The following SCLY variants were observed in gnomAD, a reference collection of about 807,000 sequenced individuals.
The protein encoded by SCLY is putative selenocysteine lyase.
SCLY carries 38 observed loss-of-function variants against 50.1 expected under a neutral mutation model. That is an observed-to-expected ratio of 0.76 (90% CI 0.59 to 0.99). The LOEUF is 0.99. Among genes scored for constraint, SCLY ranks in the 50% least tolerant of loss-of-function variants. The pLI is 0.00. For synonymous variants in SCLY, 243 were observed against 249.4 expected (o/e 0.97, Z 0.24); for missense variants, 600 against 620.0 (o/e 0.97, Z 0.34).
In SCLY at chr2:238,096,782, A is replaced by T; in HGVS notation, c.1109-19A>T. 1 of 1,601,900 alleles carries T rather than the reference A, an allele frequency of 6.2e-7. No homozygotes were observed. The highest frequency in any genetic ancestry group is 1.3e-5 in the African/African-American group (1 of 74,890). On this transcript the variant is annotated intron_variant, in intron 10 of 11. Transcript: ENST00000254663. ...CTGGCTGGAGCCCCATCTCAGGGGC[A>T]TGTGCTCTGTCTCCGCAGGCCACGT...
intron 8 of SCLY, chr2:238,091,552 TTCCCAAAG>T: frequency 3.2e-6 from 1 of 308,684 alleles, no homozygotes; most frequent in Non-Finnish European, 6.1e-6. Flanking sequence ...AGGTTCACCA[TTCCCAAAG>T]GCGTCGGCAG....
chr2:238,063,365 G>A (rs941339925), intron 1 of SCLY, among the ~76,000 whole-genome samples: 13 of 150,780 alleles, frequency 8.6e-5, no homozygotes, highest in Non-Finnish European at 1.6e-4. Context: ...CAATTCTTCT[G>A]CCCCAGCCTC....
intron 6 of SCLY, chr2:238,082,916 CT>C (rs201413681): frequency 0.06 from 18,102 of 303,128 alleles, 72 homozygotes; most frequent in East Asian, 0.074. Flanking sequence ...TATGCATTCT[CT>C]TTCTTTTTTT....
rs1479518715 is a variant in SCLY at position 238,066,186 on chromosome 2, T to C, written c.202+1717T>C. ...CTAGTGAGCATTGCACTGTTGTGCATGTGGAAGTCTCTTTACTGCCTGTTG... is the reference window on the plus strand; with the variant it reads ...CTAGTGAGCATTGCACTGTTGTGCACGTGGAAGTCTCTTTACTGCCTGTTG... On this transcript the variant is annotated intron_variant, in intron 2 of 11. Coordinates refer to ENST00000254663, the MANE Select transcript of SCLY (RefSeq NM_016510.7). This position sits in a 1 kb window ranked among gnomAD's most constrained non-coding sequence, Gnocchi z 4.1. Among the ~76,000 whole-genome samples, 2 of 152,214 alleles carry C rather than the reference T, an allele frequency of 1.3e-5. No individual in the cohort carries two copies. The highest frequency in any genetic ancestry group is 1.9e-4 in the East Asian group (1 of 5,202).
intron 1 of SCLY, 182 bp downstream of exon 1, chr2:238,061,325 T>C (rs2065015207): frequency 1.4e-6 from 1 of 707,732 alleles, no homozygotes; most frequent in Non-Finnish European, 2.6e-6. Context: ...GTGCGAGCTG[T>C]GGCCCCGCAA....
intron 1 of SCLY, among the ~76,000 whole-genome samples, chr2:238,063,237 G>T (rs1162517701): frequency 6.7e-6 from 1 of 149,328 alleles, no homozygotes; most frequent in Non-Finnish European, 1.5e-5. Flanking sequence ...AGTTTTGTGG[G>T]TTTGTTTTTT....
In SCLY at chr2:238,064,424, G is replaced by C. The variant is rs921547601; in HGVS notation, c.157G>C (p.Ala53Pro). Residue 53 changes from alanine to proline, a missense_variant, in exon 2 of 12, where the codon GCC (alanine) becomes CCC (proline). Coordinates refer to ENST00000254663, the MANE Select transcript of SCLY (RefSeq NM_016510.7). ...EPEVIQAMTK[A>P]MWEAWGNPSS... ...AGAAGTTATCCAGGCCATGACCAAGGCCATGTGGGAAGCCTGGGGAAATCC... is the reference window on the plus strand; with the variant it reads ...AGAAGTTATCCAGGCCATGACCAAGCCCATGTGGGAAGCCTGGGGAAATCC... The C allele has an allele frequency of 6.2e-7, 1 of 1,611,236 alleles. No individual in the cohort carries two copies. Among genetic ancestry groups the C allele is most frequent in the Non-Finnish European group, 8.5e-7 (1 of 1,178,996 alleles).
Position 238,098,577 on chromosome 2 carries a change from G to GGGACCGCCCACATAGGACCGCCCACATA in SCLY, c.*236_*263dup. The GGGACCGCCCACATAGGACCGCCCACATA allele has an allele frequency of 3.0e-6, 1 of 335,688 alleles. No individual in the cohort carries two copies. The highest frequency in any genetic ancestry group is 4.7e-6 in the Non-Finnish European group (1 of 212,134). 20.8% of individuals were successfully genotyped at this position (335,688 alleles called of 1,614,324 possible). A position where few individuals can be genotyped will look rare whatever the true frequency, so the allele number is the denominator to read the frequency against. The stretch of plus-strand genomic sequence containing the variant: ...CAACGCCGCATAGGACTGCCCACAT[G>GGGACCGCCCACATAGGACCGCCCACATA]GGACCGCCCACATAGGACCGCCCAC... On this transcript the variant is annotated 3_prime_UTR_variant, in exon 12 of 12. Transcript: ENST00000254663.
In SCLY at chr2:238,090,814, A is replaced by C. The variant is rs149866157; in HGVS notation, c.885-404A>C. On this transcript the variant is annotated intron_variant, in intron 7 of 11. Coordinates refer to ENST00000254663, the MANE Select transcript of SCLY (RefSeq NM_016510.7). The stretch of plus-strand genomic sequence containing the variant: ...CTTGCACACATACACACACACACAC[A>C]CCCCTCTTGTTTGCTGATGCCTGAA... Among the ~76,000 whole-genome samples, 29 of 151,718 alleles carry C rather than the reference A, an allele frequency of 1.9e-4. 1 individual carries two copies. The East Asian group carries it at 4.7e-3, about 24-fold the overall frequency.
chr2:238,094,507 G>A lies in SCLY; in HGVS notation c.1093G>A (p.Gly365Arg), dbSNP rs201870025. 9.3e-6 allele frequency: 15 copies of A among 1,614,108 alleles called. No homozygotes were observed. The highest frequency in any genetic ancestry group is 1.1e-5 in the Non-Finnish European group (13 of 1,179,980). The change falls in exon 10 of 12, where the codon GGA becomes AGA. Residue 365 changes from glycine (G) to arginine (R), a missense_variant. Gly to Arg is a moderately radical substitution (Grantham distance 125). Transcript: ENST00000254663. ...CAATACCTGTAACTTTTCCATCCGG[G>A]GACCCCGGCTTCAAGGTGATGGCCC... Reference protein sequence around the residue: ...LPNTCNFSIRGPRLQGHVVLA... With the variant: ...LPNTCNFSIRRPRLQGHVVLA...
chr2:238,098,152 T>G (rs756672567), intron 11 of SCLY, 50 bp from the exon 12 acceptor site: 1 of 1,587,628 alleles, frequency 6.3e-7, no homozygotes, highest in African/African-American at 1.3e-5. Context: ...GGGCTGTGTC[T>G]CTTCCATGTG....
chr2:238,064,431 G>A lies in SCLY; in HGVS notation c.164G>A (p.Trp55Ter). ...EVIQAMTKAM[W>*]EAWGNPSSPY... is the part of the protein sequence containing the mutation. ...ATCCAGGCCATGACCAAGGCCATGT[G>A]GGAAGCCTGGGGAAATCCCAGCAGC... Residue 55 changes from tryptophan (W) to a stop codon, truncating the protein, a stop_gained, in exon 2 of 12, where the codon TGG (tryptophan) becomes TAG (stop). Coordinates refer to ENST00000254663, the MANE Select transcript of SCLY (RefSeq NM_016510.7). LOFTEE classifies it high-confidence loss of function. The A allele has an allele frequency of 6.2e-7, 1 of 1,610,306 alleles. No homozygotes were observed. The highest frequency in any genetic ancestry group is 8.5e-7 in the Non-Finnish European group (1 of 1,178,510).
At chr2:238,084,884 A>C (rs1576672796) in intron 7 of SCLY, among the ~76,000 whole-genome samples, 1 of 108,410 alleles carries the variant, frequency 9.2e-6, no homozygotes. Context: ...ACAGAGAGAG[A>C]CTCCATCTCA....
intron 3 of SCLY, 93 bp downstream of exon 3, chr2:238,068,258 G>A: frequency 1.0e-6 from 1 of 995,922 alleles, no homozygotes; most frequent in Non-Finnish European, 1.5e-6. Flanking sequence ...TTCATTTAAA[G>A]AAAGAGTAGG....
chr2:238,065,699 T>A lies in SCLY; in HGVS notation c.202+1230T>A, dbSNP rs1372156805. On this transcript the variant is annotated intron_variant, in intron 2 of 11. Transcript: ENST00000254663. ...TATTATTATTATTATTATTTTGAGA[T>A]TGAGTCTCGCTCTCGCCCAGGCTGG... 1.1e-4 allele frequency among the ~76,000 whole-genome samples: 6 copies of A among 53,528 alleles called. No homozygotes were observed. In the East Asian group the frequency reaches 5.6e-3, roughly 50 times the overall value. 35.1% of individuals were successfully genotyped at this position (53,528 alleles called of 152,430 possible). A position where few individuals can be genotyped will look rare whatever the true frequency, so the allele number is the denominator to read the frequency against.
At position 238,069,709 on chromosome 2, in the gene SCLY, C is replaced by G; in HGVS notation, c.484+232C>G. On this transcript the variant is annotated intron_variant, in intron 4 of 11. Coordinates refer to ENST00000254663, the MANE Select transcript of SCLY (RefSeq NM_016510.7). This position sits in a 1 kb window ranked among gnomAD's most constrained non-coding sequence, Gnocchi z 5.0. ...CTCTCGGTGCAGAGGCCAGCTGCCACAAGGGGGTTGGCAAGTGTGGCCAAA... is the reference window on the plus strand; with the variant it reads ...CTCTCGGTGCAGAGGCCAGCTGCCAGAAGGGGGTTGGCAAGTGTGGCCAAA... 1 of 435,096 alleles carries G rather than the reference C, an allele frequency of 2.3e-6. No individual in the cohort carries two copies. The highest frequency in any genetic ancestry group is 4.0e-6 in the Non-Finnish European group (1 of 248,180). The allele number at this position is 435,096 out of a possible 1,614,324, so 27.0% of individuals were successfully genotyped here. A position where few individuals can be genotyped will look rare whatever the true frequency, so the allele number is the denominator to read the frequency against.
In SCLY at chr2:238,096,782, A is replaced by G. The variant is rs2065441156; in HGVS notation, c.1109-19A>G. On this transcript the variant is annotated intron_variant, in intron 10 of 11. Transcript: ENST00000254663. Reference sequence around the variant, plus strand: ...CTGGCTGGAGCCCCATCTCAGGGGCATGTGCTCTGTCTCCGCAGGCCACGT... The same window carrying G: ...CTGGCTGGAGCCCCATCTCAGGGGCGTGTGCTCTGTCTCCGCAGGCCACGT... The G allele has an allele frequency of 6.2e-7, 1 of 1,601,782 alleles. No individual in the cohort carries two copies. Among genetic ancestry groups the G allele is most frequent in the Non-Finnish European group, 8.5e-7 (1 of 1,174,790 alleles).
intron 4 of SCLY, among the ~76,000 whole-genome samples, chr2:238,074,941 G>C (rs528271239): frequency 6.6e-6 from 1 of 152,312 alleles, no homozygotes; most frequent in South Asian, 2.1e-4. Flanking sequence ...AGGACCTCCT[G>C]TACAATGTTG....
chr2:238,082,221 G>A lies in SCLY; in HGVS notation c.777+12G>A, dbSNP rs1362625220. On this transcript the variant is annotated intron_variant, in intron 6 of 11. Transcript: ENST00000254663. Reference sequence around the variant, plus strand: ...TCGTGGGGCACAAGGTAAGTCTGCAGAGGCTTCCTGCCTCTGTGGGCAGAG... The same window carrying A: ...TCGTGGGGCACAAGGTAAGTCTGCAAAGGCTTCCTGCCTCTGTGGGCAGAG... 3 of 1,583,318 alleles carry A rather than the reference G, an allele frequency of 1.9e-6. No homozygotes were observed. Among genetic ancestry groups the A allele is most frequent in the Non-Finnish European group, 1.7e-6 (2 of 1,162,688 alleles).
Sources: gnomAD v4.1 joint callset for allele counts (sites outside exome capture counted in the v4.1 genomes callset) on GRCh38, gnomAD v4.1.1 for gene constraint, Gnocchi (gnomAD v3.1) non-coding constraint, MANE v1.5 for transcripts, NCBI Gene and HGNC (gene_info 2026-07-23, HGNC 2026-07-21) for gene names.